Variants in AGMO observed in about 807,000 individuals in gnomAD.
The protein encoded by AGMO is glyceryl-ether monooxygenase.
Under a neutral mutation model 60.2 loss-of-function variants are expected in AGMO, and 75 were observed. The ratio of observed to expected loss-of-function variants is 1.25; its 90% confidence interval spans 1.03 to 1.51. The LOEUF (loss-of-function observed/expected upper bound fraction) is 1.51. Ranked by LOEUF, AGMO falls within the 40% of genes most tolerant of loss-of-function variation. AGMO has a pLI of 0.00. For missense variants in AGMO, 763 were observed against 525.5 expected (o/e 1.45, Z -4.42); for synonymous variants, 261 against 177.1 (o/e 1.47, Z -3.76).
At chr7:15,132,751 G>C in the AGMO span, among the ~76,000 whole-genome samples, 2 of 152,174 alleles carry the variant, frequency 1.3e-5, no homozygotes, top group African/African-American at 4.8e-5. Flanking sequence ...CAGATTTTAA[G>C]GAGGGAAAAT....
At chr7:15,185,566 G>C in the AGMO span, among the ~76,000 whole-genome samples, 2 of 152,194 alleles carry the variant, frequency 1.3e-5, no homozygotes, top group Non-Finnish European at 2.9e-5. Context: ...CGGGGCTTCT[G>C]TCTCATGACT....
chr7:15,377,549 C>CT (rs1783503025), intron 10 of AGMO, among the ~76,000 whole-genome samples: 1 of 151,986 alleles, frequency 6.6e-6, no homozygotes, highest in South Asian at 2.1e-4. Flanking sequence ...GCTCACATAG[C>CT]TTAAAATGAG....
intron 12 of AGMO, among the ~76,000 whole-genome samples, chr7:15,231,994 A>T (rs1782275369): frequency 6.6e-6 from 1 of 152,214 alleles, no homozygotes; most frequent in South Asian, 2.1e-4. Context: ...GCTCTTTAAA[A>T]TTGCTAATTT....
At chr7:15,326,407 C>G (rs1188290214) in intron 12 of AGMO, among the ~76,000 whole-genome samples, 1 of 152,162 alleles carries the variant, frequency 6.6e-6, no homozygotes, top group Non-Finnish European at 1.5e-5. Context: ...CATGACTTCT[C>G]TTTAGAATCC....
intron 10 of AGMO, among the ~76,000 whole-genome samples, chr7:15,369,502 C>G (rs984110221): frequency 6.6e-6 from 1 of 152,126 alleles, no homozygotes; most frequent in Non-Finnish European, 1.5e-5. Context: ...GTTTCACCTA[C>G]TATTCCTCTG....
intron 5 of AGMO, among the ~76,000 whole-genome samples, chr7:15,411,151 G>GCC (rs1302190717): frequency 1.3e-5 from 2 of 151,940 alleles, no homozygotes; most frequent in Non-Finnish European, 2.9e-5. Context: ...CGTATTGCAT[G>GCC]ATTGCTTGCC....
chr7:15,300,207 A>C (rs1784527473), intron 12 of AGMO, among the ~76,000 whole-genome samples: 1 of 152,184 alleles, frequency 6.6e-6, no homozygotes, highest in Non-Finnish European at 1.5e-5. Flanking sequence ...GAAATATCAG[A>C]TAGAGGGGAA....
At chr7:15,254,674 C>T (rs146749323) in intron 12 of AGMO, among the ~76,000 whole-genome samples, 4 of 150,296 alleles carry the variant, frequency 2.7e-5, no homozygotes, top group Admixed American at 2.0e-4. Flanking sequence ...AACCAAAATA[C>T]GAAAGATCAA....
chr7:15,363,099 A>C lies in AGMO; in HGVS notation c.1263+2415T>G, dbSNP rs956921635. Among the ~76,000 whole-genome samples, 9 of 152,342 alleles carry C rather than the reference A, an allele frequency of 5.9e-5. No homozygotes were observed. The South Asian group carries it at 6.2e-4, about 11-fold the overall frequency. Reference sequence around the variant, plus strand: ...ACTAGTAAGGCATTTAGAACGTAGTAAGAGCTCAATGCATGTTAGCTCTTA... The same window carrying C: ...ACTAGTAAGGCATTTAGAACGTAGTCAGAGCTCAATGCATGTTAGCTCTTA... On this transcript the variant is annotated intron_variant, in intron 12 of 12. Coordinates refer to ENST00000342526, the MANE Select transcript of AGMO (RefSeq NM_001004320.2).
chr7:15,170,968 T>A, the AGMO span, among the ~76,000 whole-genome samples: 4 of 152,172 alleles, frequency 2.6e-5, no homozygotes, highest in South Asian at 8.3e-4. Context: ...GTTGTGGTTT[T>A]TGTTGTTGTT....
intron 3 of AGMO, among the ~76,000 whole-genome samples, chr7:15,468,504 A>C (rs1361559407): frequency 6.6e-6 from 1 of 152,116 alleles, no homozygotes. Flanking sequence ...AACATGTAAT[A>C]ATTATACATA....
chr7:15,396,320 G>C (rs543290873), intron 5 of AGMO: 14 of 152,294 alleles, frequency 9.2e-5, no homozygotes, highest in African/African-American at 3.4e-4. Context: ...CTCCAGGTGT[G>C]TTCCTGGTCT....
intron 2 of AGMO, among the ~76,000 whole-genome samples, chr7:15,556,646 A>G (rs1321135164): frequency 6.6e-6 from 1 of 152,074 alleles, no homozygotes; most frequent in Non-Finnish European, 1.5e-5. Flanking sequence ...CAGGAAAAAA[A>G]TGTGATTATT....
At chr7:15,273,189 T>G (rs1236548580) in intron 12 of AGMO, among the ~76,000 whole-genome samples, 1 of 152,226 alleles carries the variant, frequency 6.6e-6, no homozygotes, top group African/African-American at 2.4e-5. Context: ...GTTTTAGGCA[T>G]GAAGTCCTTG....
At chr7:15,472,257 T>C (rs1386907819) in intron 3 of AGMO, among the ~76,000 whole-genome samples, 3 of 151,892 alleles carry the variant, frequency 2.0e-5, no homozygotes, top group Non-Finnish European at 2.9e-5. Flanking sequence ...TAAAGACTCA[T>C]GCAATGGTTG....
the AGMO span, among the ~76,000 whole-genome samples, chr7:15,144,926 T>C: frequency 3.0e-4 from 46 of 152,174 alleles, no homozygotes; most frequent in Admixed American, 1.3e-4. Flanking sequence ...GCCTTCCGGG[T>C]TCACGCCATT....
chr7:15,327,740 CTTTTTTTTT>C (rs546851399), intron 12 of AGMO, among the ~76,000 whole-genome samples: 2 of 88,024 alleles, frequency 2.3e-5, no homozygotes, highest in African/African-American at 4.6e-5. Context: ...TGATTTCTTT[CTTTTTTTTT>C]TTTTTTTTTT....
chr7:15,548,837 G>A (rs1287836506), intron 2 of AGMO, among the ~76,000 whole-genome samples: 1 of 152,072 alleles, frequency 6.6e-6, no homozygotes, highest in African/African-American at 2.4e-5. Context: ...TACTCCTCGA[G>A]AAGGGCAACT....
intron 12 of AGMO, among the ~76,000 whole-genome samples, chr7:15,321,322 C>G (rs572648083): frequency 6.6e-6 from 1 of 152,214 alleles, no homozygotes; most frequent in South Asian, 2.1e-4. Flanking sequence ...ATGCATGCAC[C>G]TTTCTAAAAC....
Sources: gnomAD v4.1 joint callset for allele counts (sites outside exome capture counted in the v4.1 genomes callset) on GRCh38, gnomAD v4.1.1 for gene constraint, MANE v1.5 for transcripts, NCBI Gene and HGNC (gene_info 2026-07-23, HGNC 2026-07-21) for gene names.